SATB1: variants seen among roughly 807,000 people sequenced by gnomAD.
SATB1 encodes SATB homeobox 1.
SATB1 carries 11 observed loss-of-function variants against 86.9 expected under a neutral mutation model. The ratio of observed to expected loss-of-function variants is 0.13; its 90% CI spans 0.08 to 0.21. SATB1 has a LOEUF of 0.21. Among genes scored for constraint, SATB1 ranks in the 10% least tolerant of loss-of-function variants. The pLI is 1.00. For missense variants in SATB1, 551 were observed against 937.6 expected, an observed-to-expected ratio of 0.59 and a Z score of 5.39; for synonymous variants, 357 against 357.2, an observed-to-expected ratio of 1.00 and a Z score of 0.01.
chr3:18,436,574 T>C (rs1242128678), intron 2 of SATB1, among the ~76,000 whole-genome samples: 3 of 150,534 alleles, frequency 2.0e-5, no homozygotes, highest in African/African-American at 4.9e-5. Flanking sequence ...AGTGTTCAGA[T>C]AACCCTAGTA....
intron 9 of SATB1, among the ~76,000 whole-genome samples, chr3:18,362,946 CAG>C (rs990511363): frequency 4.0e-4 from 59 of 146,452 alleles, no homozygotes; most frequent in African/African-American, 1.2e-3. Flanking sequence ...ATTTACCTGA[CAG>C]GGTAGTTTGT....
At chr3:18,392,020 T>A (rs1297115884) in intron 7 of SATB1, among the ~76,000 whole-genome samples, 1 of 152,232 alleles carries the variant, frequency 6.6e-6, no homozygotes, top group Non-Finnish European at 1.5e-5. Context: ...AATATGGCCC[T>A]ATATCTACTT....
intron 1 of SATB1, chr3:18,445,345 CG>C: frequency 3.1e-6 from 3 of 975,552 alleles, no homozygotes; most frequent in Non-Finnish European, 3.6e-6. Flanking sequence ...CCCAGCGCGC[CG>C]GCCGGGGTGT....
At chr3:18,408,840 G>C (rs1194158491) in intron 5 of SATB1, 3 of 152,030 alleles carry the variant, frequency 2.0e-5, no homozygotes, top group East Asian at 1.9e-4. Flanking sequence ...AACTAGTTCT[G>C]TTTTAGCAAG....
chr3:18,415,322 G>A, intron 4 of SATB1, 88 bp from the exon 5 acceptor site: 13 of 1,503,226 alleles, frequency 8.6e-6, no homozygotes, highest in South Asian at 8.3e-5. Context: ...ATTTCATTTT[G>A]CGCATCAAAC....
Position 18,349,547 on chromosome 3 carries a change from C to T in SATB1, c.1915G>A (p.Glu639Lys), listed in dbSNP as rs1385938053. ...GGCCGGGTCTTCTGTCGGTTTTCCT[C>T]ATCTGACTCTGCTGGAGAGGCCACC... Reference protein sequence around the residue: ...PTVASPAESDEENRQKTRPRT... With the variant: ...PTVASPAESDKENRQKTRPRT... Residue 639 changes from glutamate to lysine, a missense_variant, in exon 11 of 11, where the codon GAG (glutamate) becomes AAG (lysine). Glu to Lys is a moderately conservative substitution (Grantham distance 56). Around this residue, in one of 8 missense-constraint regions of SATB1, gnomAD observed 87 missense variants for 103.6 expected, o/e 0.84. Transcript: ENST00000338745. This position sits in a 1 kb window ranked among gnomAD's most constrained non-coding sequence, Gnocchi z 5.5. 3 of 1,613,990 alleles carry T rather than the reference C, an allele frequency of 1.9e-6. No individual in the cohort carries two copies. In the Admixed American group the frequency reaches 5.0e-5, roughly 27 times the overall value.
rs1238522714 is a variant in SATB1 at position 18,348,954 on chromosome 3, A to AT, written c.*215dup. 8.6e-6 allele frequency: 6 copies of AT among 698,906 alleles called. No homozygotes were observed. The highest frequency in any genetic ancestry group is 4.1e-4 in the Middle Eastern group (1 of 2,452). 43.3% of individuals were successfully genotyped at this position (698,906 alleles called of 1,614,324 possible). ...AAATTTTAATACCAAACAATCCTTG[A>AT]TGCTTCACCTGGGGCTGCCAAGCAG... On this transcript the variant is annotated 3_prime_UTR_variant, in exon 11 of 11. Coordinates refer to ENST00000338745, the MANE Select transcript of SATB1 (RefSeq NM_002971.6).
At chr3:18,445,411 G>T in intron 1 of SATB1, 1 of 985,398 alleles carries the variant, frequency 1.0e-6, no homozygotes, top group South Asian at 4.6e-5. Context: ...CACGGGGGTT[G>T]GCGCGGAAGA....
At chr3:18,355,974 G>A (rs904710484) in intron 9 of SATB1, among the ~76,000 whole-genome samples, 6 of 151,948 alleles carry the variant, frequency 3.9e-5, no homozygotes, top group African/African-American at 7.2e-5. Context: ...CTTTCAGGAT[G>A]TTACTACTTT....
chr3:18,355,913 A>C (rs1694609201), intron 9 of SATB1, among the ~76,000 whole-genome samples: 1 of 152,058 alleles, frequency 6.6e-6, no homozygotes, highest in Non-Finnish European at 1.5e-5. Flanking sequence ...TACACTGCAT[A>C]TAAAGAGGGC....
At chr3:18,403,610 T>C (rs1411613692) in intron 5 of SATB1, among the ~76,000 whole-genome samples, 1 of 152,060 alleles carries the variant, frequency 6.6e-6, no homozygotes, top group Non-Finnish European at 1.5e-5. Flanking sequence ...TCTAAAATAA[T>C]TGTTTTCTGA....
intron 9 of SATB1, among the ~76,000 whole-genome samples, chr3:18,357,367 G>A (rs545730249): frequency 6.6e-6 from 1 of 151,892 alleles, no homozygotes; most frequent in Non-Finnish European, 1.5e-5. Flanking sequence ...ATTCAGTATT[G>A]TAGACTAAAC....
intron 9 of SATB1, among the ~76,000 whole-genome samples, chr3:18,360,827 T>A (rs1346454153): frequency 6.6e-6 from 1 of 152,076 alleles, no homozygotes; most frequent in Non-Finnish European, 1.5e-5. Flanking sequence ...CCAAGCACAT[T>A]TGGGAAAACC....
chr3:18,444,677 G>T lies in SATB1; in HGVS notation c.-25+841C>A. The T allele has an allele frequency of 9.1e-6, 9 of 983,956 alleles. No individual in the cohort carries two copies. The highest frequency in any genetic ancestry group is 1.1e-5 in the Non-Finnish European group (9 of 829,402). The allele number at this position is 983,956 out of a possible 1,614,324, so 61.0% of individuals were successfully genotyped here. A position where few individuals can be genotyped will look rare whatever the true frequency, so the allele number is the denominator to read the frequency against. On this transcript the variant is annotated intron_variant, in intron 1 of 3. Coordinates refer to the SATB1 transcript ENST00000415069. This position sits in a 1 kb window ranked among gnomAD's most constrained non-coding sequence, Gnocchi z 5.1. ...TGAAACCAAGAACGGCTCCCCGGGC[G>T]GGCGCGCCGGCGTCGGACTTCCGAG...
chr3:18,402,433 C>T (rs1409770719), intron 5 of SATB1, among the ~76,000 whole-genome samples: 3 of 152,078 alleles, frequency 2.0e-5, no homozygotes, highest in Non-Finnish European at 4.4e-5. Context: ...CCAACCACAG[C>T]AAAATCTGTT....
At chr3:18,374,553 G>A (rs1342445552) in intron 9 of SATB1, among the ~76,000 whole-genome samples, 2 of 152,092 alleles carry the variant, frequency 1.3e-5, no homozygotes. Flanking sequence ...GTTTGCATTA[G>A]CCTGCTTTCC....
intron 5 of SATB1, among the ~76,000 whole-genome samples, chr3:18,400,720 T>A (rs1339684077): frequency 6.6e-6 from 1 of 152,186 alleles, no homozygotes; most frequent in Admixed American, 6.5e-5. Flanking sequence ...TGCCTCCTCC[T>A]CATCACTGGG....
chr3:18,445,306 C>CGCT (rs962967843), intron 1 of SATB1: 16 of 984,656 alleles, frequency 1.6e-5, no homozygotes, highest in Admixed American at 6.2e-5. Flanking sequence ...CCGCCGCCGC[C>CGCT]GCTGCTGCGC....
intron 9 of SATB1, among the ~76,000 whole-genome samples, chr3:18,374,043 G>T (rs1316209412): frequency 6.6e-6 from 1 of 152,166 alleles, no homozygotes; most frequent in African/African-American, 2.4e-5. Context: ...AAGTGATGAT[G>T]CAGTGTGGTT....
Sources: allele counts gnomAD v4.1 joint callset (sites outside exome capture counted in the v4.1 genomes callset), GRCh38; gene constraint gnomAD v4.1.1; regional missense constraint gnomAD v4.1.1; non-coding constraint Gnocchi (gnomAD v3.1); transcripts MANE v1.5; gene names NCBI Gene and HGNC (gene_info 2026-07-23, HGNC 2026-07-21).